PADI6: variants seen among roughly 807,000 people sequenced by gnomAD.
PADI6 encodes the protein peptidyl arginine deiminase 6, also known as inactive protein-arginine deiminase type-6.
Under a neutral mutation model 78.2 loss-of-function variants are expected in PADI6, and 66 were observed. The observed-to-expected ratio is 0.84, with a 90% CI of 0.69 to 1.04. The LOEUF is 1.04. Among genes scored for constraint, PADI6 ranks in the 50% least tolerant of loss-of-function variants. The pLI, the probability that PADI6 is intolerant of heterozygous loss-of-function variation, is 0.00. For synonymous variants in PADI6, 397 were observed against 346.9 expected (o/e 1.14, Z -1.60); for missense variants, 854 against 866.1 (o/e 0.99, Z 0.18).
intron 3 of PADI6, among the ~76,000 whole-genome samples, chr1:17,378,625 G>A (rs1361543820): frequency 6.6e-6 from 1 of 152,134 alleles, no homozygotes; most frequent in Non-Finnish European, 1.5e-5. Flanking sequence ...TGTTTTTTGA[G>A]ATGGAGCATT....
At position 17,395,620 on chromosome 1, in the gene PADI6, T is replaced by C; in HGVS notation, c.1575T>C (p.Ala525=). The C allele has an allele frequency of 6.2e-7, 1 of 1,609,532 alleles. No homozygotes were observed. Among genetic ancestry groups the C allele is most frequent in the Non-Finnish European group, 8.5e-7 (1 of 1,177,966 alleles). ...AACAGAAGGAAGGCTATGGCGACGC[T>C]CTTCTGTTTGATGAGCTTAGAGCAG... ...REKQKEGYGD[A]LLFDELRADQ... Residue 525 remains alanine (A), a synonymous_variant, in exon 13 of 16, where the codon GCT becomes GCC. Coordinates refer to ENST00000619609, the MANE Select transcript of PADI6 (RefSeq NM_207421.4).
chr1:17,401,168 C>A (rs902331574), intron 15 of PADI6, 37 bp from the exon 16 acceptor site: 1 of 1,597,974 alleles, frequency 6.3e-7, no homozygotes, highest in East Asian at 2.2e-5. Flanking sequence ...GGCCTCTGAT[C>A]CCTGTCCAGG....
intron 14 of PADI6, among the ~76,000 whole-genome samples, chr1:17,398,406 T>C (rs1187457857): frequency 6.6e-6 from 1 of 152,162 alleles, no homozygotes; most frequent in Non-Finnish European, 1.5e-5. Context: ...GGTATTGGGC[T>C]CAGCTGGTCT....
intron 6 of PADI6, 57 bp downstream of exon 6, chr1:17,382,149 G>T (rs2075079069): frequency 6.9e-6 from 11 of 1,595,640 alleles, no homozygotes; most frequent in Non-Finnish European, 9.4e-6. Flanking sequence ...CAGGCAAGTT[G>T]TGCCCACACC....
intron 5 of PADI6, among the ~76,000 whole-genome samples, 185 bp downstream of exon 5, chr1:17,381,349 A>G (rs2075071309): frequency 6.6e-6 from 1 of 152,176 alleles, no homozygotes; most frequent in Non-Finnish European, 1.5e-5. Context: ...GAGAAGTCAC[A>G]TAGCCCCATG....
intron 13 of PADI6, 145 bp from the exon 14 acceptor site, chr1:17,396,926 G>T: frequency 1.4e-6 from 1 of 707,726 alleles, no homozygotes; most frequent in South Asian, 1.7e-5. Flanking sequence ...CTGAGGGTGT[G>T]ATCCCTGGAG....
intron 6 of PADI6, among the ~76,000 whole-genome samples, chr1:17,385,688 A>AG (rs1474475608): frequency 2.0e-5 from 3 of 152,110 alleles, no homozygotes; most frequent in Non-Finnish European, 4.4e-5. Flanking sequence ...ACAGCAGTGG[A>AG]GGGCAAGTAT....
chr1:17,389,602 G>A (rs998154638), intron 8 of PADI6, among the ~76,000 whole-genome samples: 19 of 152,204 alleles, frequency 1.2e-4, no homozygotes, highest in African/African-American at 3.6e-4. Flanking sequence ...GAACACGCAC[G>A]GGGCCACGTC....
chr1:17,397,958 G>A (rs2075262689), intron 14 of PADI6, among the ~76,000 whole-genome samples: 1 of 152,102 alleles, frequency 6.6e-6, no homozygotes, highest in Non-Finnish European at 1.5e-5. Flanking sequence ...TGGATGAAGT[G>A]GCCCATCACA....
intron 6 of PADI6, among the ~76,000 whole-genome samples, chr1:17,386,542 A>G (rs2100304338): frequency 6.6e-6 from 1 of 152,310 alleles, no homozygotes; most frequent in Admixed American, 6.5e-5. Flanking sequence ...GCAGGTCAAG[A>G]GGGCTGTGTC....
In PADI6 at chr1:17,395,522, C is replaced by A. The variant is rs370582270; in HGVS notation, c.1495-18C>A. On this transcript the variant is annotated intron_variant, in intron 12 of 15. Coordinates refer to ENST00000619609, the MANE Select transcript of PADI6 (RefSeq NM_207421.4). ...CCAGCTGAGAAAGCTGGCTTCTGAC[C>A]CAAGTTCTGTTTCCCAGGGCTTCCT... 75 of 1,549,292 alleles carry A rather than the reference C, an allele frequency of 4.8e-5. No individual in the cohort carries two copies. The Middle Eastern group carries it at 1.1e-3, about 24-fold the overall frequency.
At chr1:17,376,190 G>T (rs764976488) in intron 3 of PADI6, among the ~76,000 whole-genome samples, 3 of 151,624 alleles carry the variant, frequency 2.0e-5, no homozygotes, top group Non-Finnish European at 4.4e-5. Flanking sequence ...GGCCAGGCTG[G>T]TCTCGAACTC....
At chr1:17,399,695 G>A (rs919774497) in intron 15 of PADI6, among the ~76,000 whole-genome samples, 5 of 149,720 alleles carry the variant, frequency 3.3e-5, no homozygotes, top group Non-Finnish European at 5.9e-5. Flanking sequence ...GAGTTGGAGA[G>A]CAGCTAGGGC....
Position 17,381,109 on chromosome 1 carries a change from T to A in PADI6, c.498T>A (p.Ala166=). ...TCCTGCTTGTGAATTGCAACCCTGC[T>A]GATGTGGGCCAGCAACTTGAGGACA... ...GAILLVNCNP[A]DVGQQLEDKK... is the part of the protein sequence containing the mutation. The change falls in exon 5 of 16, where the codon GCT becomes GCA. Residue 166 remains alanine, a synonymous_variant. Transcript: ENST00000619609. 1 of 1,610,292 alleles carries A rather than the reference T, an allele frequency of 6.2e-7. No individual in the cohort carries two copies. The highest frequency in any genetic ancestry group is 8.5e-7 in the Non-Finnish European group (1 of 1,178,440).
chr1:17,394,193 G>C (rs919899754), intron 10 of PADI6, 107 bp from the exon 11 acceptor site: 3 of 1,552,898 alleles, frequency 1.9e-6, no homozygotes, highest in African/African-American at 1.4e-5. Flanking sequence ...GCCTCTGAGG[G>C]GGGAGGGGAC....
In PADI6 at chr1:17,388,449, G is replaced by T. The variant is rs369441683; in HGVS notation, c.748G>T (p.Gly250Trp). 2 of 1,613,626 alleles carry T rather than the reference G, an allele frequency of 1.2e-6. No individual in the cohort carries two copies. Among genetic ancestry groups the T allele is most frequent in the South Asian group, 1.1e-5 (1 of 91,014 alleles). ...GCACGCCTATACCTTGGCCCTCCTC[G>T]GGAACCACTTGAAGGAGACTTTCTA... The part of the protein sequence containing the change: ...DQHAYTLALL[G>W]NHLKETFYVE... The change falls in exon 7 of 16, where the codon GGG becomes TGG. Residue 250 changes from glycine to tryptophan, a missense_variant. Coordinates refer to ENST00000619609, the MANE Select transcript of PADI6 (RefSeq NM_207421.4).
At chr1:17,375,028 G>A (rs763733631) in intron 2 of PADI6, among the ~76,000 whole-genome samples, 6 of 152,170 alleles carry the variant, frequency 3.9e-5, no homozygotes, top group Non-Finnish European at 8.8e-5. Context: ...ACCTTATGGA[G>A]TAGGACATGG....
intron 6 of PADI6, among the ~76,000 whole-genome samples, chr1:17,386,008 G>A (rs766184000): frequency 7.9e-5 from 12 of 151,966 alleles, no homozygotes; most frequent in African/African-American, 1.2e-4. Flanking sequence ...ACAGACAGTC[G>A]AGGACCCAGC....
At chr1:17,383,947 G>A (rs989765619) in intron 6 of PADI6, among the ~76,000 whole-genome samples, 4 of 151,594 alleles carry the variant, frequency 2.6e-5, no homozygotes, top group Admixed American at 6.6e-5. Flanking sequence ...TCAGGAGTTC[G>A]AGACCAGCCC....
Sources: gnomAD v4.1 joint callset for allele counts (sites outside exome capture counted in the v4.1 genomes callset) on GRCh38, gnomAD v4.1.1 for gene constraint, MANE v1.5 for transcripts, NCBI Gene and HGNC (gene_info 2026-07-23, HGNC 2026-07-21) for gene names.